Variants in DOP1A observed in about 807,000 individuals in gnomAD.
DOP1A encodes the protein DOP1 leucine zipper like protein A, also known as protein DOP1A.
Under a neutral mutation model 267.6 loss-of-function variants are expected in DOP1A, and 90 were observed. The ratio of observed to expected loss-of-function variants is 0.34; its 90% CI spans 0.28 to 0.40. The LOEUF (loss-of-function observed/expected upper bound fraction) is 0.40. DOP1A is among the 10% of genes least tolerant of loss of function. DOP1A has a pLI of 1.00. For synonymous variants in DOP1A, 932 were observed against 999.1 expected (o/e 0.93, Z 1.27); for missense variants, 2,437 against 2,900.4 (o/e 0.84, Z 3.67).
chr6:83,137,785 T>C lies in DOP1A; in HGVS notation c.3743T>C (p.Leu1248Pro), dbSNP rs1299115409. The C allele has an allele frequency of 5.0e-6, 8 of 1,613,796 alleles. No individual in the cohort carries two copies. Among genetic ancestry groups the C allele is most frequent in the Non-Finnish European group, 6.8e-6 (8 of 1,179,894 alleles). Reference protein sequence around the residue: ...SPCISGTTHTLHDSSVASIET... With the variant: ...SPCISGTTHTPHDSSVASIET... The stretch of plus-strand genomic sequence containing the variant: ...TGTATTTCAGGAACCACACACACTC[T>C]TCATGACTCTTCTGTTGCTTCCATA... The change falls in exon 21 of 39, where the codon CTT becomes CCT. Residue 1248 changes from leucine to proline, a missense_variant. Coordinates refer to ENST00000349129, the MANE Select transcript of DOP1A (RefSeq NM_015018.4).
In DOP1A at chr6:83,092,259, T is replaced by G. The variant is rs565536494; in HGVS notation, c.-146-4472T>G. ...TTTAATTTATTACCAGTCTTTATTA[T>G]GTTTAAACACTTTGATCATGAGTCC... On this transcript the variant is annotated intron_variant, in intron 1 of 38. Coordinates refer to ENST00000349129, the MANE Select transcript of DOP1A (RefSeq NM_015018.4). Among the ~76,000 whole-genome samples, 8 of 126,072 alleles carry G rather than the reference T, an allele frequency of 6.3e-5. No homozygotes were observed. The East Asian group carries it at 1.9e-3, about 30-fold the overall frequency. The allele number at this position is 126,072 out of a possible 152,430, so 82.7% of individuals were successfully genotyped here.
chr6:83,135,770 A>G lies in DOP1A; in HGVS notation c.3022A>G (p.Arg1008Gly), dbSNP rs1349885370. ...GCTCCTGCTTCATCCAAAAACTCAG[A>G]GGGTTTCAGTACAGCGTGTACAAGC... ...LLLLLHPKTQ[R>G]VSVQRVQAER... The change falls in exon 20 of 39, where the codon AGG (arginine) becomes GGG (glycine). Residue 1008 changes from arginine to glycine, a missense_variant. By Grantham distance (125) the Arg-to-Gly change is moderately radical. Around this residue, in one of 9 missense-constraint regions of DOP1A, gnomAD observed 878 missense variants for 992.9 expected, o/e 0.88. Transcript: ENST00000349129. The G allele has an allele frequency of 6.2e-7, 1 of 1,613,644 alleles. No individual in the cohort carries two copies. Among genetic ancestry groups the G allele is most frequent in the Non-Finnish European group, 8.5e-7 (1 of 1,179,738 alleles).
intron 1 of DOP1A, among the ~76,000 whole-genome samples, chr6:83,075,678 G>A (rs892813811): frequency 2.0e-5 from 3 of 152,146 alleles, no homozygotes; most frequent in South Asian, 2.1e-4. Context: ...GGAGAGCCCC[G>A]AAATAAACAC....
chr6:83,138,891 A>G lies in DOP1A; in HGVS notation c.4849A>G (p.Ile1617Val). Reference sequence around the variant, plus strand: ...TTTTGTTGTATCTGACTTAGAACACATCAGTCCCCATCAACCCATGACTTC... The same window carrying G: ...TTTTGTTGTATCTGACTTAGAACACGTCAGTCCCCATCAACCCATGACTTC... ...FDFVVSDLEH[I>V]SPHQPMTSLQ... is the part of the protein sequence containing the mutation. Residue 1617 changes from isoleucine (I) to valine (V), a missense_variant, in exon 21 of 39, where the codon ATC becomes GTC. Ile to Val is a conservative substitution (Grantham distance 29, BLOSUM62 3). This residue lies in a region of DOP1A where 878 missense variants were observed against 992.9 expected (regional missense o/e 0.88). Transcript: ENST00000349129. 6.2e-7 allele frequency: 1 copy of G among 1,614,078 alleles called. No individual in the cohort carries two copies. Among genetic ancestry groups the G allele is most frequent in the East Asian group, 2.2e-5 (1 of 44,874 alleles).
Position 83,122,848 on chromosome 6 carries a change from T to C in DOP1A, c.1221-15T>C, listed in dbSNP as rs2128220642. The C allele has an allele frequency of 6.9e-7, 1 of 1,440,410 alleles. No individual in the cohort carries two copies. Among genetic ancestry groups the C allele is most frequent in the African/African-American group, 1.5e-5 (1 of 66,994 alleles). The allele number at this position is 1,440,410 out of a possible 1,614,324, so 89.2% of individuals were successfully genotyped here. A position where few individuals can be genotyped will look rare whatever the true frequency, so the allele number is the denominator to read the frequency against. On this transcript the variant is annotated splice_polypyrimidine_tract_variant and intron_variant, in intron 11 of 38. Coordinates refer to ENST00000349129, the MANE Select transcript of DOP1A (RefSeq NM_015018.4). ...TAATATTTTTTAGTTTTTGTTTTCT[T>C]TTCTCTTTTTTCAGTAAATTAAGAG...
chr6:83,170,312 T>C, downstream of DOP1A: 1 of 1,614,096 alleles, frequency 6.2e-7, no homozygotes. Context: ...TACTTGTGAG[T>C]CTGCTTCTGC....
chr6:83,119,748 G>A lies in DOP1A; in HGVS notation c.881G>A (p.Gly294Asp), dbSNP rs756856331. The stretch of plus-strand genomic sequence containing the variant: ...AATTTTGTGATTTGTTTCCATGGAG[G>A]TTTTGATAACAACGGTGCTATCATA... The part of the protein sequence containing the change: ...LNRRLYAWLL[G>D]FDNNGAIIGP... Residue 294 changes from glycine to aspartate, a missense_variant and splice_region_variant, in exon 9 of 39, where the codon GGT (glycine) becomes GAT (aspartate). Transcript: ENST00000349129. 45 of 1,609,048 alleles carry A rather than the reference G, an allele frequency of 2.8e-5. No homozygotes were observed. In the South Asian group the frequency reaches 4.9e-4, roughly 17 times the overall value.
At chr6:83,165,081 A>C (rs548782252) in intron 38 of DOP1A, 2 of 177,124 alleles carry the variant, frequency 1.1e-5, no homozygotes, top group East Asian at 3.2e-4. Flanking sequence ...AGAGGGTACA[A>C]GGATATTCAT....
At chr6:83,164,328 TGAGTTCAG>T (rs1441255251) in intron 38 of DOP1A, among the ~76,000 whole-genome samples, 7 of 151,848 alleles carry the variant, frequency 4.6e-5, no homozygotes, top group Non-Finnish European at 1.5e-5. Context: ...TGCTGGGTCC[TGAGTTCAG>T]GGTAGGACTT....
In DOP1A at chr6:83,137,916, A is replaced by G. The variant is rs1779094632; in HGVS notation, c.3874A>G (p.Lys1292Glu). 6.2e-7 allele frequency: 1 copy of G among 1,610,400 alleles called. No homozygotes were observed. The highest frequency in any genetic ancestry group is 8.5e-7 in the Non-Finnish European group (1 of 1,178,924). The change falls in exon 21 of 39, where the codon AAA becomes GAA. Residue 1292 changes from lysine to glutamate, a missense_variant. Physicochemically the swap from Lys to Glu is moderately conservative, Grantham distance 56. Transcript: ENST00000349129. Reference sequence around the variant, plus strand: ...GGAAACAATAGTTAAGGAGTCAGGTAAACAACCAGGAGCAAAACCTAAAGT... The same window carrying G: ...GGAAACAATAGTTAAGGAGTCAGGTGAACAACCAGGAGCAAAACCTAAAGT... Reference protein sequence around the residue: ...EKETIVKESGKQPGAKPKVKL... With the variant: ...EKETIVKESGEQPGAKPKVKL...
chr6:83,140,648 G>T (rs2128278695), intron 23 of DOP1A, among the ~76,000 whole-genome samples: 1 of 152,100 alleles, frequency 6.6e-6, no homozygotes, highest in Admixed American at 6.5e-5. Context: ...TCCAATTTTT[G>T]AATATGTTCT....
chr6:83,082,822 T>A (rs1257780324), intron 1 of DOP1A, among the ~76,000 whole-genome samples: 1 of 152,072 alleles, frequency 6.6e-6, no homozygotes, highest in Non-Finnish European at 1.5e-5. Flanking sequence ...TTTTTTTTTT[T>A]TTTGAGACCG....
At position 83,097,014 on chromosome 6, in the gene DOP1A, A is replaced by C. The variant is rs1212656628; in HGVS notation, c.37A>C (p.Lys13Gln). The C allele has an allele frequency of 6.2e-7, 1 of 1,614,046 alleles. No individual in the cohort carries two copies. The highest frequency in any genetic ancestry group is 2.2e-5 in the East Asian group (1 of 44,878). The change falls in exon 3 of 39, where the codon AAA becomes CAA. Residue 13 changes from lysine (K) to glutamine (Q), a missense_variant. Physicochemically the swap from Lys to Gln is moderately conservative, Grantham distance 53. Around this residue, in one of 9 missense-constraint regions of DOP1A, gnomAD observed 251 missense variants for 359.1 expected, o/e 0.70. Coordinates refer to ENST00000349129, the MANE Select transcript of DOP1A (RefSeq NM_015018.4). ...TEELELLSDS[K>Q]YRNYVAAIDK... ...AGAGCTGGAGTTATTGAGTGACTCC[A>C]AATACAGAAACTATGTAGCAGCAAT...
intron 30 of DOP1A, among the ~76,000 whole-genome samples, chr6:83,152,834 T>C (rs1246898489): frequency 2.0e-5 from 3 of 152,078 alleles, no homozygotes; most frequent in African/African-American, 7.2e-5. Context: ...GCCAGGCTGG[T>C]CTCGAACTCC....
chr6:83,070,094 G>T lies in DOP1A; in HGVS notation c.-147+2315G>T, dbSNP rs2127949061. 1.3e-5 allele frequency among the ~76,000 whole-genome samples: 2 copies of T among 152,300 alleles called. 1 individual carries two copies. Among genetic ancestry groups the T allele is most frequent in the Middle Eastern group, 6.8e-3 (2 of 294 alleles). ...GTGTCACTAGTACACCACCAGTGTG[G>T]ATATTCTGTTCATTCTTTATTACTT... On this transcript the variant is annotated intron_variant, in intron 1 of 38. Transcript: ENST00000349129.
Position 83,151,667 on chromosome 6 carries a change from A to T in DOP1A, c.5904+8A>T. On this transcript the variant is annotated splice_region_variant and intron_variant, in intron 28 of 38. Transcript: ENST00000349129. ...GACCAAAGAGACCTTCAGGTAAGGC[A>T]GTCTAAGAGCTGTTGCCAAAACTGT... The T allele has an allele frequency of 6.3e-7, 1 of 1,598,758 alleles. No homozygotes were observed. Among genetic ancestry groups the T allele is most frequent in the Non-Finnish European group, 8.5e-7 (1 of 1,175,632 alleles).
intron 24 of DOP1A, among the ~76,000 whole-genome samples, chr6:83,144,971 G>A (rs1406850431): frequency 6.8e-6 from 1 of 147,304 alleles, no homozygotes; most frequent in East Asian, 2.0e-4. Flanking sequence ...TGGGCATAGT[G>A]GCATGCCTGT....
At chr6:83,094,634 A>G (rs1439769920) in intron 1 of DOP1A, among the ~76,000 whole-genome samples, 3 of 152,190 alleles carry the variant, frequency 2.0e-5, no homozygotes, top group African/African-American at 7.2e-5. Context: ...CTGATGATTA[A>G]TTATGTGGAG....
intron 20 of DOP1A, among the ~76,000 whole-genome samples, chr6:83,136,166 G>T (rs1185354949): frequency 6.6e-6 from 1 of 152,094 alleles, no homozygotes; most frequent in Non-Finnish European, 1.5e-5. Flanking sequence ...TTAGAGCTTA[G>T]TTAGCAATTC....
Sources: gnomAD v4.1 joint callset for allele counts (sites outside exome capture counted in the v4.1 genomes callset) on GRCh38, gnomAD v4.1.1 for gene constraint, gnomAD v4.1.1 regional missense constraint, MANE v1.5 for transcripts, NCBI Gene and HGNC (gene_info 2026-07-23, HGNC 2026-07-21) for gene names.